Variants in MAPK10 observed in about 807,000 individuals in gnomAD.
MAPK10 encodes the protein mitogen-activated protein kinase 10, also known as JNK3 alpha protein kinase.
Under a neutral mutation model 59.3 loss-of-function variants are expected in MAPK10, and 25 were observed. The ratio of observed to expected loss-of-function variants is 0.42; its 90% confidence interval spans 0.31 to 0.59. The LOEUF (loss-of-function observed/expected upper bound fraction) is 0.59, where lower values mean the gene tolerates loss of function less well. MAPK10 is among the 20% of genes least tolerant of loss of function. The pLI is 0.15. For missense variants in MAPK10, 351 were observed against 568.9 expected (o/e 0.62, Z 3.90); for synonymous variants, 190 against 200.5 (o/e 0.95, Z 0.44).
At chr4:86,285,645 T>C (rs1341264941) in intron 2 of MAPK10, among the ~76,000 whole-genome samples, 1 of 152,336 alleles carries the variant, frequency 6.6e-6, no homozygotes, top group African/African-American at 2.4e-5. Context: ...CTAACATCTA[T>C]ATAGTTACCG....
chr4:86,437,752 GGAATAAATACATACATGTACCAGAA>G (rs1377575261), intron 1 of MAPK10, among the ~76,000 whole-genome samples: 1 of 152,062 alleles, frequency 6.6e-6, no homozygotes, highest in African/African-American at 2.4e-5. Context: ...ATACCAAATA[GGAATAAATACATACATGTACCAGAA>G]GACATGTTCA....
chr4:86,093,023 C>T (rs1423002786), intron 9 of MAPK10, among the ~76,000 whole-genome samples: 2 of 151,956 alleles, frequency 1.3e-5, no homozygotes, highest in African/African-American at 4.8e-5. Flanking sequence ...CTCTGAAAAT[C>T]TCATGTCACA....
intron 1 of MAPK10, among the ~76,000 whole-genome samples, chr4:86,519,221 C>T (rs1345146555): frequency 6.6e-6 from 1 of 152,136 alleles, no homozygotes; most frequent in Non-Finnish European, 1.5e-5. Flanking sequence ...GTATCGAAGT[C>T]CTCCACTATT....
intron 2 of MAPK10, among the ~76,000 whole-genome samples, chr4:86,330,875 A>C (rs186664781): frequency 6.6e-6 from 1 of 152,208 alleles, no homozygotes; most frequent in African/African-American, 2.4e-5. Flanking sequence ...TTCTTAAGTT[A>C]ATTAAAATAT....
chr4:86,118,743 G>T (rs1400359883), intron 4 of MAPK10, among the ~76,000 whole-genome samples: 1 of 151,712 alleles, frequency 6.6e-6, no homozygotes, highest in African/African-American at 2.4e-5. Flanking sequence ...AATTTTTCTT[G>T]TTCCTCTTTC....
chr4:86,556,077 A>G (rs1760244808), intron 1 of MAPK10, among the ~76,000 whole-genome samples: 2 of 152,210 alleles, frequency 1.3e-5, no homozygotes, highest in South Asian at 4.1e-4. Flanking sequence ...CATTTAATCA[A>G]ACTGACCAAA....
chr4:86,291,943 A>G lies in MAPK10; in HGVS notation c.-7+62587T>C, dbSNP rs181003029. 1.9e-4 allele frequency among the ~76,000 whole-genome samples: 29 copies of G among 152,330 alleles called. No individual in the cohort carries two copies. In the East Asian group the frequency reaches 2.1e-3, roughly 11 times the overall value. On this transcript the variant is annotated intron_variant, in intron 2 of 13. Transcript: ENST00000641462. Reference sequence around the variant, plus strand: ...AAGTGGAAGGCAATTTCAGGCAATCACAATGATTCCCTCAAGAAAAAGGAC... The same window carrying G: ...AAGTGGAAGGCAATTTCAGGCAATCGCAATGATTCCCTCAAGAAAAAGGAC...
chr4:86,203,613 T>G (rs2083136973), intron 2 of MAPK10, among the ~76,000 whole-genome samples: 1 of 151,122 alleles, frequency 6.6e-6, no homozygotes, highest in African/African-American at 2.4e-5. Flanking sequence ...TTGTATTTAT[T>G]ACATAGCAGA....
In MAPK10 at chr4:86,351,254, T is replaced by TTA. The variant is rs146723315; in HGVS notation, c.-7+3274_-7+3275dup. Among the ~76,000 whole-genome samples, 346 of 149,954 alleles carry TTA rather than the reference T, an allele frequency of 2.3e-3. 1 individual carries two copies. Among genetic ancestry groups the TTA allele is most frequent in the African/African-American group, 5.3e-3 (219 of 40,954 alleles). ...TAGTACCTACCACAATATCTGTATT[T>TTA]TATATATATATATATACACACACAC... is the stretch of plus-strand genomic sequence containing the variant. On this transcript the variant is annotated intron_variant, in intron 2 of 13. Coordinates refer to ENST00000641462, the MANE Select transcript of MAPK10 (RefSeq NM_138982.4).
intron 2 of MAPK10, among the ~76,000 whole-genome samples, chr4:86,312,729 G>A (rs561709129): frequency 1.3e-5 from 2 of 152,166 alleles, no homozygotes; most frequent in Non-Finnish European, 2.9e-5. Context: ...ACGACACTAG[G>A]AGTGTTTTGT....
At chr4:86,203,229 G>A (rs2083043262) in intron 2 of MAPK10, among the ~76,000 whole-genome samples, 1 of 151,910 alleles carries the variant, frequency 6.6e-6, no homozygotes, top group South Asian at 2.1e-4. Flanking sequence ...TTTATTATAT[G>A]TCTATAGGAA....
intron 3 of MAPK10, among the ~76,000 whole-genome samples, chr4:86,177,480 T>G (rs904884628): frequency 1.3e-5 from 2 of 152,100 alleles, no homozygotes; most frequent in Non-Finnish European, 2.9e-5. Flanking sequence ...GTCTTTGAAA[T>G]AGAAACATCA....
Position 86,101,098 on chromosome 4 carries a change from A to C in MAPK10, c.684T>G (p.Tyr228Ter). The C allele has an allele frequency of 6.2e-7, 1 of 1,614,018 alleles. No individual in the cohort carries two copies. Among genetic ancestry groups the C allele is most frequent in the Non-Finnish European group, 8.5e-7 (1 of 1,179,926 alleles). The stretch of plus-strand genomic sequence containing the variant: ...CCAGGATGACCTCAGGGGCTCTGTA[A>C]TAACGTGTCACCACATATGGAGTCA... ...FMMTPYVVTR[Y>*]YRAPEVILGM... Residue 228 changes from tyrosine to a stop codon, truncating the protein, a stop_gained, in exon 8 of 14, where the codon TAT (tyrosine) becomes TAG (stop). Transcript: ENST00000641462. LOFTEE classifies it high-confidence loss of function.
intron 1 of MAPK10, among the ~76,000 whole-genome samples, chr4:86,376,193 C>T (rs1164689859): frequency 1.3e-5 from 2 of 152,148 alleles, no homozygotes; most frequent in East Asian, 3.8e-4. Flanking sequence ...TAGTAAGGTA[C>T]TACTAAATAA....
At chr4:86,340,771 T>C (rs1724435029) in intron 2 of MAPK10, among the ~76,000 whole-genome samples, 1 of 152,194 alleles carries the variant, frequency 6.6e-6, no homozygotes, top group African/African-American at 2.4e-5. Context: ...TCCCTTCTGC[T>C]ATGTTCATCT....
chr4:86,046,287 A>G (rs1164068607), intron 11 of MAPK10, among the ~76,000 whole-genome samples: 1 of 151,584 alleles, frequency 6.6e-6, no homozygotes, highest in Non-Finnish European at 1.5e-5. Flanking sequence ...CTATTTGAAT[A>G]CGCTTTATTT....
In MAPK10 at chr4:86,529,522, T is replaced by C. The variant is rs147630370; in HGVS notation, c.-263+64388A>G. ...GGAAGTCTACTACTTCAGAAGGTCATACAGCCAGGAAACAAAATGTCTGTT... is the reference window on the plus strand; with the variant it reads ...GGAAGTCTACTACTTCAGAAGGTCACACAGCCAGGAAACAAAATGTCTGTT... On this transcript the variant is annotated intron_variant, in intron 1 of 4. Coordinates refer to the MAPK10 transcript ENST00000502302. Among the ~76,000 whole-genome samples, 966 of 152,372 alleles carry C rather than the reference T, an allele frequency of 6.3e-3. 8 individuals carry two copies. The highest frequency in any genetic ancestry group is 0.026 in the South Asian group (125 of 4,826).
intron 1 of MAPK10, among the ~76,000 whole-genome samples, chr4:86,371,960 T>A (rs1327951232): frequency 6.6e-6 from 1 of 152,114 alleles, no homozygotes; most frequent in Non-Finnish European, 1.5e-5. Flanking sequence ...ACTGTCAATA[T>A]TAGACAGATC....
chr4:86,262,452 C>A (rs1245820448), intron 2 of MAPK10, among the ~76,000 whole-genome samples: 7 of 152,166 alleles, frequency 4.6e-5, no homozygotes, highest in Admixed American at 4.6e-4. Context: ...CTGGCCCCCA[C>A]CTTCAGAGTT....
Sources: allele counts gnomAD v4.1 joint callset (sites outside exome capture counted in the v4.1 genomes callset), GRCh38; gene constraint gnomAD v4.1.1; transcripts MANE v1.5; gene names NCBI Gene and HGNC (gene_info 2026-07-23, HGNC 2026-07-21).